Variants in ROBO1 observed in about 807,000 individuals in gnomAD.
ROBO1 encodes roundabout homolog 1.
Under a neutral mutation model 195.9 loss-of-function variants are expected in ROBO1, and 149 were observed. That is an observed-to-expected ratio of 0.76 (90% CI 0.67 to 0.87). ROBO1 has a LOEUF of 0.87. Ranked by LOEUF, ROBO1 falls within the 40% of genes least tolerant of loss-of-function variation. The probability of loss-of-function intolerance (pLI) is 0.00; values close to 1 mark genes in which losing one functional copy is unlikely to be tolerated. For synonymous variants in ROBO1, 816 were observed against 733.2 expected, an observed-to-expected ratio of 1.11 and a Z score of -1.82; for missense variants, 1,933 against 2,068.3, an observed-to-expected ratio of 0.93 and a Z score of 1.27.
chr3:79,008,753 T>C (rs2077689220), intron 3 of ROBO1, among the ~76,000 whole-genome samples: 1 of 55,976 alleles, frequency 1.8e-5, no homozygotes, highest in Non-Finnish European at 3.1e-5. Context: ...TACACCATGC[T>C]AATTTTTTTT....
intron 1 of ROBO1, among the ~76,000 whole-genome samples, chr3:79,765,572 T>C (rs1704940250): frequency 6.6e-6 from 1 of 152,196 alleles, no homozygotes; most frequent in African/African-American, 2.4e-5. Flanking sequence ...TTCAAAATAA[T>C]AGCTGCTAGG....
intron 4 of ROBO1, among the ~76,000 whole-genome samples, chr3:78,910,758 C>G (rs558781686): frequency 2.1e-5 from 3 of 142,878 alleles, no homozygotes; most frequent in African/African-American, 8.0e-5. Context: ...ACAACATTCT[C>G]TCCATTGCAT....
intron 2 of ROBO1, among the ~76,000 whole-genome samples, chr3:79,548,525 T>C (rs1942358257): frequency 6.6e-6 from 1 of 152,236 alleles, no homozygotes. Context: ...AATAGAACAG[T>C]TGCTTATTAT....
intron 8 of ROBO1, among the ~76,000 whole-genome samples, chr3:78,690,655 T>C (rs1013648867): frequency 2.0e-5 from 3 of 152,074 alleles, no homozygotes; most frequent in African/African-American, 7.2e-5. Flanking sequence ...ATTGAAAGAA[T>C]TGACTGGATA....
chr3:79,220,032 T>C (rs1450918853), intron 2 of ROBO1, among the ~76,000 whole-genome samples: 4 of 152,094 alleles, frequency 2.6e-5, no homozygotes, highest in Non-Finnish European at 5.9e-5. Flanking sequence ...GCAACAATTA[T>C]ATTAATTTAT....
At chr3:79,345,357 A>G (rs2035070520) in intron 2 of ROBO1, among the ~76,000 whole-genome samples, 1 of 152,040 alleles carries the variant, frequency 6.6e-6, no homozygotes, top group Non-Finnish European at 1.5e-5. Flanking sequence ...TGCTGACAGG[A>G]GCAGAAGTGT....
At chr3:79,057,705 T>C (rs2108389993) in intron 3 of ROBO1, among the ~76,000 whole-genome samples, 1 of 152,196 alleles carries the variant, frequency 6.6e-6, no homozygotes, top group Non-Finnish European at 1.5e-5. Flanking sequence ...TTATACTTTC[T>C]GTCTCACCAG....
intron 4 of ROBO1, among the ~76,000 whole-genome samples, chr3:78,885,909 T>A (rs924243005): frequency 4.2e-5 from 5 of 117,752 alleles, no homozygotes; most frequent in Admixed American, 1.8e-4. Flanking sequence ...TAGCAAAATT[T>A]TATATATATA....
intron 2 of ROBO1, among the ~76,000 whole-genome samples, chr3:79,577,941 C>A (rs1395064812): frequency 6.6e-6 from 1 of 151,278 alleles, no homozygotes; most frequent in Non-Finnish European, 1.5e-5. Context: ...CAAAAAAACC[C>A]AAAAAACAAA....
intron 2 of ROBO1, among the ~76,000 whole-genome samples, chr3:79,248,045 AAAG>A (rs2082655602): frequency 6.6e-6 from 1 of 152,180 alleles, no homozygotes; most frequent in African/African-American, 2.4e-5. Context: ...CCTGATGTTT[AAAG>A]AAGAGAGGGA....
chr3:79,678,075 G>A (rs1043694466), intron 1 of ROBO1, among the ~76,000 whole-genome samples: 1 of 151,996 alleles, frequency 6.6e-6, no homozygotes, highest in African/African-American at 2.4e-5. Flanking sequence ...TTTCACAGAG[G>A]CAATATAATA....
In ROBO1 at chr3:79,168,719, C is replaced by G. The variant is rs550654612; in HGVS notation, c.89-43180G>C. On this transcript the variant is annotated intron_variant, in intron 2 of 30. Transcript: ENST00000464233. ...TAGTTAGGCAACATTGACTCCATGC[C>G]CCCTGTATTTCAGGCACTGTTTTAG... Among the ~76,000 whole-genome samples, 14 of 152,216 alleles carry G rather than the reference C, an allele frequency of 9.2e-5. No homozygotes were observed. In the South Asian group the frequency reaches 2.5e-3, roughly 27 times the overall value.
chr3:79,699,190 CT>C (rs1947537465), intron 1 of ROBO1, among the ~76,000 whole-genome samples: 3 of 151,072 alleles, frequency 2.0e-5, no homozygotes, highest in Admixed American at 6.6e-5. Flanking sequence ...TAATGGATAT[CT>C]GTGGCTCAAA....
rs1043620199 is a variant in ROBO1 at position 79,211,005 on chromosome 3, A to T, written c.89-85466T>A. Among the ~76,000 whole-genome samples, 4 of 152,314 alleles carry T rather than the reference A, an allele frequency of 2.6e-5. No individual in the cohort carries two copies. In the South Asian group the frequency reaches 8.3e-4, roughly 32 times the overall value. ...TAAAATAGGCATATAATATTAATAC[A>T]TAAAAACATTTCAAACTATGTAATA... On this transcript the variant is annotated intron_variant, in intron 2 of 30. Coordinates refer to ENST00000464233, the MANE Select transcript of ROBO1 (RefSeq NM_002941.4).
rs1267867477 is a variant in ROBO1, at chr3:78,662,090, AC to A, written c.1990del (p.Val664TrpfsTer34). The A allele has an allele frequency of 1.3e-6, 2 of 1,567,884 alleles. No individual in the cohort carries two copies. The highest frequency in any genetic ancestry group is 1.7e-6 in the Non-Finnish European group (2 of 1,155,668). On this transcript the variant is annotated frameshift_variant, in exon 15 of 31. Transcript: ENST00000464233. LOFTEE classifies it high-confidence loss of function. The stretch of plus-strand genomic sequence containing the variant: ...CTCTCTCTGGACCTGCTTGTGGTCC[AC>A]CCCCTGACTTGTTGGTAGGACATCT... Reference protein sequence around the residue: ...TQDVLPTSQGVDHKQVQRELG... With the variant: ...TQDVLPTSQGXDHKQVQRELG...
At chr3:79,549,226 A>G (rs867839813) in intron 2 of ROBO1, among the ~76,000 whole-genome samples, 2 of 152,338 alleles carry the variant, frequency 1.3e-5, no homozygotes, top group Middle Eastern at 3.4e-3. Context: ...TTTCAGATAG[A>G]AAAACAATGG....
At chr3:78,768,330 T>C (rs1396829208) in intron 4 of ROBO1, among the ~76,000 whole-genome samples, 1 of 152,004 alleles carries the variant, frequency 6.6e-6, no homozygotes, top group Non-Finnish European at 1.5e-5. Flanking sequence ...CTTAAATTTT[T>C]TTTTTTACTT....
chr3:78,813,982 G>A (rs72894453), intron 4 of ROBO1, among the ~76,000 whole-genome samples: 4,631 of 151,880 alleles, frequency 0.03, 189 homozygotes, highest in African/African-American at 0.095. Flanking sequence ...CCAAATCCTA[G>A]TCTCATTAGC....
intron 29 of ROBO1, among the ~76,000 whole-genome samples, 175 bp downstream of exon 29, chr3:78,606,558 T>C (rs988697877): frequency 6.6e-5 from 10 of 152,208 alleles, no homozygotes; most frequent in African/African-American, 2.4e-4. Flanking sequence ...ATGTTGAGTA[T>C]AAAGGCATAT....
Sources: gnomAD v4.1 joint callset for allele counts (sites outside exome capture counted in the v4.1 genomes callset) on GRCh38, gnomAD v4.1.1 for gene constraint, MANE v1.5 for transcripts, NCBI Gene and HGNC (gene_info 2026-07-23, HGNC 2026-07-21) for gene names.